MRTFB: variants seen among roughly 807,000 people sequenced by gnomAD.
The protein encoded by MRTFB is myocardin-related transcription factor B.
MRTFB carries 29 observed loss-of-function variants against 104.2 expected under a neutral mutation model. The ratio of observed to expected loss-of-function variants is 0.28; its 90% CI spans 0.21 to 0.38. The LOEUF (loss-of-function observed/expected upper bound fraction) is 0.38. Ranked by LOEUF, MRTFB falls within the 10% of genes least tolerant of loss-of-function variation. The pLI is 1.00. For synonymous variants in MRTFB, 535 were observed against 519.5 expected (o/e 1.03, Z -0.41); for missense variants, 1,270 against 1,341.6 (o/e 0.95, Z 0.83).
intron 2 of MRTFB, among the ~76,000 whole-genome samples, chr16:14,139,939 T>C (rs954270544): frequency 6.6e-6 from 1 of 152,258 alleles, no homozygotes; most frequent in Non-Finnish European, 1.5e-5. Flanking sequence ...GTATCTTTGG[T>C]ACTTCTGTTG....
chr16:14,254,440 T>A (rs901346897), intron 15 of MRTFB, among the ~76,000 whole-genome samples: 1 of 152,176 alleles, frequency 6.6e-6, no homozygotes, highest in Non-Finnish European at 1.5e-5. Context: ...TCCAGCTAAG[T>A]GGCAGGGTTA....
chr16:14,044,703 A>G, the MRTFB span, among the ~76,000 whole-genome samples: 5 of 152,216 alleles, frequency 3.3e-5, no homozygotes, highest in Admixed American at 6.5e-5. Context: ...GAACCTGCCA[A>G]TGAATGATAT....
At chr16:14,181,998 A>G (rs895438884) in intron 3 of MRTFB, among the ~76,000 whole-genome samples, 3 of 152,226 alleles carry the variant, frequency 2.0e-5, no homozygotes, top group East Asian at 3.9e-4. Context: ...CAGATTTATC[A>G]TAGCAGAAGT....
At chr16:14,023,696 T>A in the MRTFB span, among the ~76,000 whole-genome samples, 4 of 151,248 alleles carry the variant, frequency 2.6e-5, no homozygotes, top group African/African-American at 9.7e-5. Context: ...TATATATACA[T>A]ATTTTATATG....
the MRTFB span, among the ~76,000 whole-genome samples, chr16:14,002,384 G>GAA: frequency 7.0e-6 from 1 of 142,596 alleles, no homozygotes; most frequent in Non-Finnish European, 1.5e-5. Flanking sequence ...CTCCGTCCGG[G>GAA]AAAAAAAAAA....
chr16:14,166,775 C>T (rs2039258461), intron 3 of MRTFB, among the ~76,000 whole-genome samples: 1 of 150,434 alleles, frequency 6.6e-6, no homozygotes, highest in South Asian at 2.1e-4. Context: ...ATTTTCTGTT[C>T]CTGCATTAGT....
At chr16:14,233,690 C>G (rs1055828853) in intron 8 of MRTFB, among the ~76,000 whole-genome samples, 2 of 143,566 alleles carry the variant, frequency 1.4e-5, no homozygotes, top group African/African-American at 5.3e-5. Flanking sequence ...CTTGGGAGGC[C>G]AAAGCTGGAG....
Position 14,247,402 on chromosome 16 carries a change from C to T in MRTFB, c.2142C>T (p.Pro714=). 6.2e-7 allele frequency: 1 copy of T among 1,613,194 alleles called. No homozygotes were observed. Among genetic ancestry groups the T allele is most frequent in the East Asian group, 2.2e-5 (1 of 44,882 alleles). ...CACCGCCTGCTGTTGTTGCTCAGCC[C>T]CAGGCTTTACTGACCACGCAGACTG... ...GQPPPAVVAQ[P]QALLTTQTAQ... The change falls in exon 12 of 17, where the codon CCC becomes CCT. Residue 714 remains proline, a synonymous_variant. Transcript: ENST00000571589.
At chr16:14,076,833 A>G (rs1009187470) in intron 1 of MRTFB, among the ~76,000 whole-genome samples, 1 of 152,218 alleles carries the variant, frequency 6.6e-6, no homozygotes, top group Admixed American at 6.5e-5. Flanking sequence ...AGTCTCGTAG[A>G]TGAAAAATGA....
intron 3 of MRTFB, among the ~76,000 whole-genome samples, chr16:14,154,819 T>G (rs778348712): frequency 2.6e-5 from 4 of 152,254 alleles, no homozygotes; most frequent in Non-Finnish European, 5.9e-5. Context: ...AGTTCCTTGC[T>G]GACCATTGGC....
chr16:14,140,972 G>C, intron 3 of MRTFB: 1 of 518,894 alleles, frequency 1.9e-6, no homozygotes, highest in East Asian at 3.3e-5. Flanking sequence ...ATCTTTGGTA[G>C]TGACGTTACC....
At chr16:14,123,747 G>A (rs1381163695) in intron 2 of MRTFB, among the ~76,000 whole-genome samples, 2 of 152,144 alleles carry the variant, frequency 1.3e-5, no homozygotes, top group African/African-American at 2.4e-5. Context: ...TCTTGGCTAT[G>A]AGGGCTCCTT....
chr16:14,116,963 G>A (rs1441009126), intron 2 of MRTFB, among the ~76,000 whole-genome samples: 1 of 152,134 alleles, frequency 6.6e-6, no homozygotes, highest in African/African-American at 2.4e-5. Context: ...TGGGAAGGAG[G>A]GTACTTGGCA....
chr16:14,186,876 C>T (rs1483610728), intron 3 of MRTFB: 1 of 1,597,850 alleles, frequency 6.3e-7, no homozygotes. Context: ...TTAAGCTTTT[C>T]TCCTGCTTGA....
In MRTFB at chr16:14,263,422, G is replaced by C. The variant is rs867897730; in HGVS notation, c.*1978G>C. ...TCTTGGCCACAGTTTTTTTGCTGAGGGTTTCTGTCTGGGCCTATCAGGTCC... is the reference window on the plus strand; with the variant it reads ...TCTTGGCCACAGTTTTTTTGCTGAGCGTTTCTGTCTGGGCCTATCAGGTCC... On this transcript the variant is annotated 3_prime_UTR_variant, in exon 17 of 17. Coordinates refer to ENST00000571589, the MANE Select transcript of MRTFB (RefSeq NM_001308142.2). 5.3e-5 allele frequency: 8 copies of C among 152,208 alleles called. No individual in the cohort carries two copies. Among genetic ancestry groups the C allele is most frequent in the African/African-American group, 1.7e-4 (7 of 41,534 alleles). 9.4% of individuals were successfully genotyped at this position (152,208 alleles called of 1,614,324 possible). A position where few individuals can be genotyped will look rare whatever the true frequency, so the allele number is the denominator to read the frequency against.
chr16:14,076,563 T>C (rs1344775117), intron 1 of MRTFB, among the ~76,000 whole-genome samples: 1 of 152,222 alleles, frequency 6.6e-6, no homozygotes, highest in Non-Finnish European at 1.5e-5. Context: ...GTGATCAATA[T>C]ATGAGTTGTT....
chr16:14,231,192 G>C (rs2042247341), intron 8 of MRTFB, among the ~76,000 whole-genome samples: 2 of 151,368 alleles, frequency 1.3e-5, no homozygotes, highest in Non-Finnish European at 2.9e-5. Flanking sequence ...TAAATGACGA[G>C]TTAATGGGTG....
chr16:14,099,063 T>G (rs2035551008), intron 2 of MRTFB, among the ~76,000 whole-genome samples: 1 of 152,200 alleles, frequency 6.6e-6, no homozygotes, highest in Non-Finnish European at 1.5e-5. Context: ...TTCTGGGTCC[T>G]TTGCATATCC....
chr16:14,248,819 T>C, intron 12 of MRTFB, 107 bp from the exon 13 acceptor site: 1 of 1,207,620 alleles, frequency 8.3e-7, no homozygotes, highest in Admixed American at 2.4e-5. Context: ...TTGGTCTTAT[T>C]TCATTTAGAT....
Sources: allele counts gnomAD v4.1 joint callset (sites outside exome capture counted in the v4.1 genomes callset), GRCh38; gene constraint gnomAD v4.1.1; transcripts MANE v1.5; gene names NCBI Gene and HGNC (gene_info 2026-07-23, HGNC 2026-07-21).